The following GPX3 variants were observed in gnomAD, a reference collection of about 807,000 sequenced individuals.
GPX3 encodes the protein GPx-3.
In GPX3, 22 loss-of-function variants were observed where a neutral mutation model predicts 25.1. That is an observed-to-expected ratio of 0.88 (90% CI 0.63 to 1.25). GPX3 has a LOEUF of 1.25. GPX3 is among the 50% of genes most tolerant of loss of function. The pLI is 0.00. For missense variants in GPX3, 278 were observed against 286.6 expected, an observed-to-expected ratio of 0.97 and a Z score of 0.22; for synonymous variants, 110 against 114.5, an observed-to-expected ratio of 0.96 and a Z score of 0.25.
In GPX3 at chr5:151,028,038, C is replaced by T. The variant is rs1447668929; in HGVS notation, c.589C>T (p.Arg197Cys). The T allele has an allele frequency of 6.8e-6, 11 of 1,613,886 alleles. No homozygotes were observed. The highest frequency in any genetic ancestry group is 2.2e-5 in the East Asian group (1 of 44,878). Residue 197 changes from arginine (R) to cysteine (C), a missense_variant, in exon 5 of 5, where the codon CGC (arginine) becomes TGC (cysteine). Physicochemically the swap from Arg to Cys is radical, Grantham distance 180. Transcript: ENST00000388825. ...GGGGCCAGATGGTATACCCATCATG[C>T]GCTGGCACCACCGGACCACGGTCAG... ...LVGPDGIPIM[R>C]WHHRTTVSNV...
chr5:151,024,044 C>T (rs968209020), intron 1 of GPX3, among the ~76,000 whole-genome samples: 58 of 152,200 alleles, frequency 3.8e-4, no homozygotes, highest in African/African-American at 1.4e-3. Context: ...GCCTCAACAG[C>T]AAGTTCTCCA....
Position 151,028,701 on chromosome 5 carries a change from CAGTT to C in GPX3, c.*572_*575del, listed in dbSNP as rs1756610198. On this transcript the variant is annotated 3_prime_UTR_variant, in exon 5 of 5. Coordinates refer to ENST00000388825, the MANE Select transcript of GPX3 (RefSeq NM_002084.5). ...CTCCCAAGGCTACATCCCCACCCCA[CAGTT>C]CTCCCTGAGAGAGATCAACCTCCCT... The C allele has an allele frequency of 6.4e-6, 1 of 157,122 alleles. No individual in the cohort carries two copies. The highest frequency in any genetic ancestry group is 2.4e-5 in the African/African-American group (1 of 41,486). The allele number at this position is 157,122 out of a possible 1,614,324, so 9.7% of individuals were successfully genotyped here.
At chr5:151,021,407 G>C (rs924588527) in intron 1 of GPX3, 3 of 152,686 alleles carry the variant, frequency 2.0e-5, no homozygotes, top group African/African-American at 7.2e-5. Flanking sequence ...GGGAGAGTTT[G>C]GGGGTGGGAG....
intron 1 of GPX3, among the ~76,000 whole-genome samples, chr5:151,022,232 G>A (rs574771203): frequency 6.6e-6 from 1 of 152,302 alleles, no homozygotes; most frequent in East Asian, 1.9e-4. Flanking sequence ...TTCAGTTTTG[G>A]AAAGGTCAAA....
intron 1 of GPX3, among the ~76,000 whole-genome samples, chr5:151,023,364 C>T (rs566113934): frequency 2.0e-5 from 3 of 152,302 alleles, no homozygotes; most frequent in South Asian, 4.1e-4. Flanking sequence ...GCTCTGCCAG[C>T]AGATTCCCAC....
At chr5:151,027,834 C>T (rs757940984) in intron 4 of GPX3, 75 bp from the exon 5 acceptor site, 1 of 1,235,600 alleles carries the variant, frequency 8.1e-7, no homozygotes, top group Non-Finnish European at 1.2e-6. Flanking sequence ...CCAGGCTATT[C>T]CCCAGGAAGG....
In GPX3 at chr5:151,028,015, G is replaced by A. The variant is rs1430754198; in HGVS notation, c.566G>A (p.Gly189Glu). ...TGGAACTTTGAGAAGTTCCTGGTGG[G>A]GCCAGATGGTATACCCATCATGCGC... ...IRWNFEKFLVGPDGIPIMRWH... is the reference protein window; with the variant it reads ...IRWNFEKFLVEPDGIPIMRWH... The change falls in exon 5 of 5, where the codon GGG (glycine) becomes GAG (glutamate). Residue 189 changes from glycine to glutamate, a missense_variant. Coordinates refer to ENST00000388825, the MANE Select transcript of GPX3 (RefSeq NM_002084.5). The A allele has an allele frequency of 1.9e-6, 3 of 1,614,118 alleles. No individual in the cohort carries two copies. The highest frequency in any genetic ancestry group is 1.1e-5 in the South Asian group (1 of 91,082).
intron 4 of GPX3, 126 bp downstream of exon 4, chr5:151,027,657 G>A (rs1756572391): frequency 5.7e-6 from 4 of 703,646 alleles, no homozygotes; most frequent in Non-Finnish European, 9.9e-6. Context: ...CCTGACTATT[G>A]TTCCAACTAG....
chr5:151,025,358 A>AT lies in GPX3; in HGVS notation c.107dup (p.Ser37LysfsTer13). On this transcript the variant is annotated frameshift_variant, in exon 2 of 5. Transcript: ENST00000388825. LOFTEE classifies it high-confidence loss of function. ...GTTCCAGATGGACTGCCATGGTGGC[A>AT]TAAGTGGCACCATTTACGAGTACGG... 1 of 1,599,372 alleles carries AT rather than the reference A, an allele frequency of 6.3e-7. No individual in the cohort carries two copies. The highest frequency in any genetic ancestry group is 8.5e-7 in the Non-Finnish European group (1 of 1,171,812).
At chr5:151,024,670 A>T (rs1055194018) in intron 1 of GPX3, among the ~76,000 whole-genome samples, 1 of 152,164 alleles carries the variant, frequency 6.6e-6, no homozygotes, top group Non-Finnish European at 1.5e-5. Flanking sequence ...CAGACCCGGA[A>T]CATTAACACA....
chr5:151,027,115 A>C (rs1756562314), intron 3 of GPX3, 98 bp downstream of exon 3: 1 of 809,522 alleles, frequency 1.2e-6, no homozygotes, highest in Non-Finnish European at 2.1e-6. Context: ...GCCACCAAGA[A>C]CTACTCTCCT....
At chr5:151,027,564 TGCAGCCCCTCCTGG>T (rs1756571110) in intron 4 of GPX3, 33 bp downstream of exon 4, 1 of 1,384,784 alleles carries the variant, frequency 7.2e-7, no homozygotes, top group African/African-American at 1.4e-5. Flanking sequence ...TGGCTGGGGC[TGCAGCCCCTCCTGG>T]CTCCAGCCCA....
chr5:151,028,967 C>G lies in GPX3; in HGVS notation c.*837C>G, dbSNP rs1016886330. 6.5e-6 allele frequency: 1 copy of G among 152,834 alleles called. No homozygotes were observed. Among genetic ancestry groups the G allele is most frequent in the African/African-American group, 2.4e-5 (1 of 41,472 alleles). The allele number at this position is 152,834 out of a possible 1,614,324, so 9.5% of individuals were successfully genotyped here. A position where few individuals can be genotyped will look rare whatever the true frequency, so the allele number is the denominator to read the frequency against. Reference sequence around the variant, plus strand: ...TGGCTTGAGACTCACCCCGTCTGCCCAGTAAAAGCCTTTCTGCAGCAGCTG... The same window carrying G: ...TGGCTTGAGACTCACCCCGTCTGCCGAGTAAAAGCCTTTCTGCAGCAGCTG... On this transcript the variant is annotated 3_prime_UTR_variant, in exon 5 of 5. Coordinates refer to ENST00000388825, the MANE Select transcript of GPX3 (RefSeq NM_002084.5).
At chr5:151,027,054 C>A in intron 3 of GPX3, 37 bp downstream of exon 3, 1 of 1,307,182 alleles carries the variant, frequency 7.7e-7, no homozygotes, top group Non-Finnish European at 1.1e-6. Flanking sequence ...AAGCTCCTCT[C>A]ACATGGCCCA....
intron 1 of GPX3, among the ~76,000 whole-genome samples, chr5:151,023,186 C>T (rs1042701414): frequency 2.0e-5 from 3 of 152,092 alleles, no homozygotes; most frequent in Admixed American, 1.3e-4. Context: ...GTTTCAGATG[C>T]GGTGCTCTGG....
intron 1 of GPX3, among the ~76,000 whole-genome samples, chr5:151,022,424 C>A (rs1219000258): frequency 1.3e-5 from 2 of 152,176 alleles, no homozygotes; most frequent in Non-Finnish European, 2.9e-5. Flanking sequence ...CACATACAAC[C>A]AGTCAGGACT....
intron 1 of GPX3, chr5:151,020,946 A>G (rs1323928829): frequency 1.5e-6 from 1 of 666,410 alleles, no homozygotes; most frequent in South Asian, 1.6e-5. Context: ...CATCTGTTGG[A>G]GAGCCGAGAC....
intron 2 of GPX3, among the ~76,000 whole-genome samples, chr5:151,026,090 TG>T (rs898609894): frequency 6.6e-6 from 1 of 152,160 alleles, no homozygotes; most frequent in Middle Eastern, 3.2e-3. Context: ...AGCGGTGGAA[TG>T]GGGCATTTGG....
chr5:151,024,891 C>T (rs1207818759), intron 1 of GPX3, among the ~76,000 whole-genome samples: 2 of 152,122 alleles, frequency 1.3e-5, no homozygotes, highest in East Asian at 3.9e-4. Flanking sequence ...CCTCAATTGC[C>T]TGGATTATTC....
Sources: allele counts gnomAD v4.1 joint callset (sites outside exome capture counted in the v4.1 genomes callset), GRCh38; gene constraint gnomAD v4.1.1; transcripts MANE v1.5; gene names NCBI Gene and HGNC (gene_info 2026-07-23, HGNC 2026-07-21).